The following RFX3 variants were observed in gnomAD, a reference collection of about 807,000 sequenced individuals.
RFX3 encodes regulatory factor X3.
In RFX3, 14 loss-of-function variants were observed where a neutral mutation model predicts 98.6. That is an observed-to-expected ratio of 0.14 (90% CI 0.09 to 0.22). The LOEUF is 0.22. Among genes scored for constraint, RFX3 ranks in the 10% least tolerant of loss-of-function variants. The probability of loss-of-function intolerance (pLI) is 1.00; values close to 1 mark genes in which losing one functional copy is unlikely to be tolerated. For synonymous variants in RFX3, 383 were observed against 328.4 expected, an observed-to-expected ratio of 1.17 and a Z score of -1.80; for missense variants, 639 against 926.9, an observed-to-expected ratio of 0.69 and a Z score of 4.03.
intron 5 of RFX3, among the ~76,000 whole-genome samples, chr9:3,296,543 G>A (rs1346258982): frequency 6.6e-6 from 1 of 151,838 alleles, no homozygotes; most frequent in Non-Finnish European, 1.5e-5. Flanking sequence ...TTGTTTATAT[G>A]TATATATGCA....
chr9:3,313,792 A>C (rs1362833138), intron 4 of RFX3, among the ~76,000 whole-genome samples: 1 of 152,218 alleles, frequency 6.6e-6, no homozygotes, highest in Non-Finnish European at 1.5e-5. Context: ...GATCAAATGA[A>C]TGAAGTGAAG....
chr9:3,502,638 G>C (rs920546891), intron 1 of RFX3, among the ~76,000 whole-genome samples: 2 of 152,038 alleles, frequency 1.3e-5, no homozygotes, highest in African/African-American at 4.8e-5. Context: ...TCAGACATAT[G>C]ACACTTCACA....
chr9:3,269,771 A>G (rs1197137808), intron 11 of RFX3, among the ~76,000 whole-genome samples: 1 of 152,184 alleles, frequency 6.6e-6, no homozygotes, highest in African/African-American at 2.4e-5. Context: ...CATTACTGCT[A>G]ATGGAAACCG....
intron 1 of RFX3, among the ~76,000 whole-genome samples, chr9:3,500,584 T>C (rs1815889048): frequency 6.6e-6 from 1 of 152,172 alleles, no homozygotes; most frequent in Non-Finnish European, 1.5e-5. Context: ...AAGAATTAAT[T>C]TGAATACTTT....
At chr9:3,439,621 A>C (rs984471934) in intron 1 of RFX3, among the ~76,000 whole-genome samples, 1 of 152,042 alleles carries the variant, frequency 6.6e-6, no homozygotes, top group African/African-American at 2.4e-5. Context: ...AATGTGATAT[A>C]TGTATTAAAG....
At position 3,468,416 on chromosome 9, in the gene RFX3, C is replaced by A. The variant is rs59064824; in HGVS notation, c.-9+57331G>T. On this transcript the variant is annotated intron_variant, in intron 1 of 16. Coordinates refer to ENST00000617270, the MANE Select transcript of RFX3 (RefSeq NM_001282116.2). The stretch of plus-strand genomic sequence containing the variant: ...GGCAATCACTTTTTAAAATTCATTT[C>A]ATGAATCTGCTCTACAATTTTAAGA... Among the ~76,000 whole-genome samples the A allele has an allele frequency of 6.6e-4, 100 of 152,282 alleles. 1 individual carries two copies. Among genetic ancestry groups the A allele is most frequent in the African/African-American group, 2.4e-3 (98 of 41,560 alleles).
intron 2 of RFX3, among the ~76,000 whole-genome samples, chr9:3,385,542 T>C (rs1427700602): frequency 3.9e-5 from 6 of 151,968 alleles, no homozygotes; most frequent in African/African-American, 1.5e-4. Context: ...ACCCCGTCTC[T>C]ACTAAAAGTA....
At chr9:3,340,401 A>G (rs1833736875) in intron 3 of RFX3, among the ~76,000 whole-genome samples, 1 of 152,232 alleles carries the variant, frequency 6.6e-6, no homozygotes, top group Non-Finnish European at 1.5e-5. Flanking sequence ...AAATTGACAA[A>G]TGGGATCTAA....
chr9:3,455,437 T>C (rs950893438), intron 1 of RFX3, among the ~76,000 whole-genome samples: 9 of 152,226 alleles, frequency 5.9e-5, no homozygotes, highest in African/African-American at 1.9e-4. Flanking sequence ...TGACACTGTA[T>C]ACTTCTACTT....
At chr9:3,238,817 G>A (rs892620001) in intron 15 of RFX3, among the ~76,000 whole-genome samples, 2 of 151,912 alleles carry the variant, frequency 1.3e-5, no homozygotes, top group Non-Finnish European at 1.5e-5. Flanking sequence ...GAGAAACCCC[G>A]TCTCTACTAA....
At chr9:3,278,659 T>C (rs1825543775) in intron 7 of RFX3, among the ~76,000 whole-genome samples, 2 of 151,862 alleles carry the variant, frequency 1.3e-5, no homozygotes, top group South Asian at 4.1e-4. Flanking sequence ...TCATACAAAC[T>C]AATGCTCAGC....
intron 1 of RFX3, among the ~76,000 whole-genome samples, chr9:3,435,165 T>G (rs181888971): frequency 6.6e-6 from 1 of 152,134 alleles, no homozygotes; most frequent in East Asian, 1.9e-4. Flanking sequence ...ACTATAGACT[T>G]TATAAACACT....
intron 1 of RFX3, among the ~76,000 whole-genome samples, chr9:3,490,509 G>C (rs549269239): frequency 3.3e-5 from 5 of 152,128 alleles, no homozygotes; most frequent in African/African-American, 1.2e-4. Context: ...TGAATGCACT[G>C]ATATTTTTAG....
intron 1 of RFX3, among the ~76,000 whole-genome samples, chr9:3,480,861 T>C (rs371799485): frequency 7.0e-4 from 106 of 152,266 alleles, no homozygotes; most frequent in African/African-American, 2.1e-3. Context: ...TAAACTGCTA[T>C]ACAAATATAA....
intron 9 of RFX3, among the ~76,000 whole-genome samples, chr9:3,272,897 C>A (rs1824691104): frequency 6.6e-6 from 1 of 151,790 alleles, no homozygotes; most frequent in Non-Finnish European, 1.5e-5. Context: ...GTATATTAAT[C>A]TTTCTTTAAA....
At chr9:3,390,142 C>A (rs915618373) in intron 2 of RFX3, among the ~76,000 whole-genome samples, 1 of 152,148 alleles carries the variant, frequency 6.6e-6, no homozygotes, top group Non-Finnish European at 1.5e-5. Flanking sequence ...TGCCTGTGTC[C>A]TCACCCAAAT....
intron 1 of RFX3, chr9:3,524,589 G>T: frequency 1.0e-6 from 1 of 978,910 alleles, no homozygotes; most frequent in Non-Finnish European, 1.2e-6. Flanking sequence ...TACCATAACT[G>T]TCACAAATAA....
chr9:3,418,291 GC>G (rs1843147067), intron 1 of RFX3, among the ~76,000 whole-genome samples: 1 of 152,180 alleles, frequency 6.6e-6, no homozygotes, highest in African/African-American at 2.4e-5. Flanking sequence ...CTTTCTGTGG[GC>G]TTACAACAGT....
intron 4 of RFX3, among the ~76,000 whole-genome samples, chr9:3,303,785 T>C (rs1828948082): frequency 6.6e-6 from 1 of 151,956 alleles, no homozygotes; most frequent in Non-Finnish European, 1.5e-5. Context: ...TTTAAGAGCT[T>C]TGGAAAGGTG....
Sources: allele counts gnomAD v4.1 joint callset (sites outside exome capture counted in the v4.1 genomes callset), GRCh38; gene constraint gnomAD v4.1.1; transcripts MANE v1.5; gene names NCBI Gene and HGNC (gene_info 2026-07-23, HGNC 2026-07-21).